Variants in NHSL2 observed in about 807,000 individuals in gnomAD.
The protein encoded by NHSL2 is NHS like 2, also known as NHS-like protein 2.
In NHSL2, 27 loss-of-function variants were observed where a neutral mutation model predicts 53.4. The ratio of observed to expected loss-of-function variants is 0.51; its 90% confidence interval spans 0.37 to 0.70. The LOEUF (loss-of-function observed/expected upper bound fraction) is 0.70. Ranked by LOEUF, NHSL2 falls within the 30% of genes least tolerant of loss-of-function variation. The pLI, the probability that NHSL2 is intolerant of heterozygous loss-of-function variation, is 0.00. For synonymous variants in NHSL2, 408 were observed against 404.1 expected (o/e 1.01, Z -0.12); for missense variants, 892 against 980.1 (o/e 0.91, Z 1.20).
intron 1 of NHSL2, among the ~76,000 whole-genome samples, chrX:72,049,701 G>T (rs892948914): frequency 9.3e-6 from 1 of 107,979 alleles, no homozygotes; most frequent in African/African-American, 3.4e-5. Flanking sequence ...CCAGGCCCCC[G>T]GTTCTTACCT....
rs761277719 is a variant in NHSL2, at chrX:72,134,565, C to T, written c.621C>T (p.Pro207=). ...CTACCACCCAGGGTGTGAGGGCCCC[C>T]GAGGCCTCCCTGAGCCTGTCTACCA... is the stretch of plus-strand genomic sequence containing the variant. ...DETTTQGVRA[P]EASLSLSTTA... The change falls in exon 4 of 8, where the codon CCC becomes CCT. Residue 207 remains proline (P), a synonymous_variant. Transcript: ENST00000633930. The T allele has an allele frequency of 1.0e-5, 12 of 1,165,371 alleles. No individual in the cohort carries two copies. The highest frequency in any genetic ancestry group is 2.6e-5 in the Admixed American group (1 of 38,723).
intron 1 of NHSL2, among the ~76,000 whole-genome samples, chrX:72,090,946 G>C (rs1192922098): frequency 8.9e-6 from 1 of 111,874 alleles, no homozygotes; most frequent in Non-Finnish European, 1.9e-5. Context: ...ACATATCTTA[G>C]CTACATAATT....
chrX:72,093,027 G>A (rs1210264665), intron 1 of NHSL2, among the ~76,000 whole-genome samples: 2 of 112,612 alleles, frequency 1.8e-5, no homozygotes, highest in Non-Finnish European at 3.7e-5. Flanking sequence ...GAGAGGATTC[G>A]TGTCATTTTT....
At chrX:72,019,757 A>G (rs2042151522) in intron 1 of NHSL2, among the ~76,000 whole-genome samples, 2 of 111,949 alleles carry the variant, frequency 1.8e-5, no homozygotes, top group African/African-American at 6.5e-5. Context: ...CACCTCTCTG[A>G]GCCTCAGTCC....
chrX:72,066,244 A>G (rs758956055), intron 1 of NHSL2, among the ~76,000 whole-genome samples: 2 of 111,730 alleles, frequency 1.8e-5, no homozygotes, highest in African/African-American at 6.5e-5. Flanking sequence ...TACAGGACTC[A>G]GTGAATGCGT....
At chrX:72,001,206 TA>T (rs1274321855) in intron 1 of NHSL2, among the ~76,000 whole-genome samples, 1 of 111,948 alleles carries the variant, frequency 8.9e-6, no homozygotes, top group Admixed American at 9.4e-5. Flanking sequence ...TAAAGTGTTT[TA>T]AAAAAATACT....
chrX:71,911,902 G>A (rs896222129), intron 1 of NHSL2, among the ~76,000 whole-genome samples: 3 of 112,035 alleles, frequency 2.7e-5, no homozygotes, highest in Admixed American at 9.3e-5. Context: ...CTGGAGCGTG[G>A]ACGCGGCTCC....
chrX:71,978,684 C>CTT (rs1289527280), intron 1 of NHSL2, among the ~76,000 whole-genome samples: 1 of 87,887 alleles, frequency 1.1e-5, no homozygotes, highest in Non-Finnish European at 2.2e-5. Context: ...GGGCTCACAT[C>CTT]TTTTTTTTTT....
chrX:72,061,712 C>T (rs1227437551), intron 1 of NHSL2, among the ~76,000 whole-genome samples: 1 of 112,289 alleles, frequency 8.9e-6, no homozygotes, highest in Non-Finnish European at 1.9e-5. Context: ...ACCTCTTACC[C>T]CCTACCTCTT....
chrX:72,040,969 A>C (rs1221269328), intron 1 of NHSL2, among the ~76,000 whole-genome samples: 1 of 112,237 alleles, frequency 8.9e-6, no homozygotes, highest in Non-Finnish European at 1.9e-5. Context: ...TAAACACATA[A>C]TTATAATGCA....
At chrX:72,091,801 G>A (rs1286510922) in intron 1 of NHSL2, among the ~76,000 whole-genome samples, 1 of 111,492 alleles carries the variant, frequency 9.0e-6, no homozygotes, top group Non-Finnish European at 1.9e-5. Context: ...ACAAACCCAC[G>A]TGGTGCAAGT....
At chrX:71,977,691 G>T (rs1453783880) in intron 1 of NHSL2, among the ~76,000 whole-genome samples, 1 of 111,459 alleles carries the variant, frequency 9.0e-6, no homozygotes, top group Non-Finnish European at 1.9e-5. Context: ...AGGATTACAG[G>T]CATGAGCCAC....
chrX:71,996,974 T>A (rs1470761852), intron 1 of NHSL2, among the ~76,000 whole-genome samples: 1 of 112,422 alleles, frequency 8.9e-6, no homozygotes, highest in Admixed American at 9.4e-5. Context: ...CTGGGACCAG[T>A]GAGCAATGGG....
At chrX:72,082,848 TG>T (rs1449542622) in intron 1 of NHSL2, among the ~76,000 whole-genome samples, 1 of 112,585 alleles carries the variant, frequency 8.9e-6, no homozygotes, top group Admixed American at 9.4e-5. Context: ...ATATCTCTGA[TG>T]GTGCCCCATG....
chrX:71,963,974 C>CAT (rs377152946), intron 1 of NHSL2, among the ~76,000 whole-genome samples: 4,343 of 47,904 alleles, frequency 0.091, 524 homozygotes, highest in African/African-American at 0.2. Context: ...TATATATATA[C>CAT]ATATATATAT....
At chrX:72,011,212 C>T (rs2042114166) in intron 1 of NHSL2, among the ~76,000 whole-genome samples, 1 of 112,201 alleles carries the variant, frequency 8.9e-6, no homozygotes, top group South Asian at 3.7e-4. Context: ...CACTGAAGGG[C>T]ATGTGGGTTA....
chrX:71,973,611 G>A (rs2041935620), intron 1 of NHSL2, among the ~76,000 whole-genome samples: 1 of 111,021 alleles, frequency 9.0e-6, no homozygotes, highest in South Asian at 3.8e-4. Context: ...CTTACTCTAA[G>A]AGTGGGTACT....
In NHSL2 at chrX:72,117,722, T is replaced by A. The variant is rs577386160; in HGVS notation, c.281-14357T>A. ...CCTTTTGTGACTGGCTTCTTTCACA[T>A]AACATGATGTTTCAAGGTCCATCCA... On this transcript the variant is annotated intron_variant, in intron 1 of 7. Transcript: ENST00000633930. Among the ~76,000 whole-genome samples, 60 of 111,860 alleles carry A rather than the reference T, an allele frequency of 5.4e-4. No individual in the cohort carries two copies. In the South Asian group the frequency reaches 0.022, roughly 41 times the overall value.
chrX:72,053,445 G>A (rs1331023917), intron 1 of NHSL2, among the ~76,000 whole-genome samples: 2 of 112,036 alleles, frequency 1.8e-5, no homozygotes, highest in Non-Finnish European at 3.8e-5. Flanking sequence ...AAGAGGTACA[G>A]ATGAACTTTT....
Sources: allele counts gnomAD v4.1 joint callset (sites outside exome capture counted in the v4.1 genomes callset), GRCh38; gene constraint gnomAD v4.1.1; transcripts MANE v1.5; gene names NCBI Gene and HGNC (gene_info 2026-07-23, HGNC 2026-07-21).